The following COL25A1 variants were observed in gnomAD, a reference collection of about 807,000 sequenced individuals.
COL25A1 encodes collagen alpha-1(XXV) chain.
In COL25A1, 103 loss-of-function variants were observed where a neutral mutation model predicts 128.4. That is an observed-to-expected ratio of 0.80 (90% CI 0.68 to 0.94). The LOEUF (loss-of-function observed/expected upper bound fraction) is 0.94, where lower values mean the gene tolerates loss of function less well. COL25A1 is among the 40% of genes least tolerant of loss of function. The pLI is 0.00. For synonymous variants in COL25A1, 279 were observed against 277.2 expected (o/e 1.01, Z -0.06); for missense variants, 745 against 840.0 (o/e 0.89, Z 1.40).
intron 5 of COL25A1, among the ~76,000 whole-genome samples, chr4:109,035,506 C>T (rs1759249243): frequency 6.6e-6 from 1 of 152,006 alleles, no homozygotes; most frequent in Non-Finnish European, 1.5e-5. Context: ...GAACAGAAAC[C>T]TAGAAATGAC....
chr4:108,941,255 C>A, intron 9 of COL25A1, 111 bp downstream of exon 9: 1 of 685,632 alleles, frequency 1.5e-6, no homozygotes, highest in Non-Finnish European at 2.4e-6. Flanking sequence ...CAAATAAATG[C>A]CCACATACCA....
intron 3 of COL25A1, among the ~76,000 whole-genome samples, chr4:109,075,669 A>T (rs899694180): frequency 6.6e-6 from 1 of 152,162 alleles, no homozygotes; most frequent in Non-Finnish European, 1.5e-5. Flanking sequence ...AAGTTAACAC[A>T]ATATGTAATA....
intron 3 of COL25A1, among the ~76,000 whole-genome samples, chr4:109,241,337 C>G (rs1446354377): frequency 6.6e-6 from 1 of 151,912 alleles, no homozygotes; most frequent in African/African-American, 2.4e-5. Flanking sequence ...CCTTAAATGC[C>G]CTCTTTCTTT....
At chr4:109,032,875 T>C (rs775594701) in intron 5 of COL25A1, among the ~76,000 whole-genome samples, 3 of 152,122 alleles carry the variant, frequency 2.0e-5, no homozygotes, top group Non-Finnish European at 4.4e-5. Flanking sequence ...GGGGAGAGAA[T>C]AAAGCACTTG....
chr4:109,084,294 A>G (rs1764164056), intron 3 of COL25A1, among the ~76,000 whole-genome samples: 1 of 152,242 alleles, frequency 6.6e-6, no homozygotes, highest in Non-Finnish European at 1.5e-5. Flanking sequence ...TAACGTGTTG[A>G]AAGACAAAAA....
At chr4:108,960,394 T>C (rs1304542789) in intron 8 of COL25A1, among the ~76,000 whole-genome samples, 4 of 152,154 alleles carry the variant, frequency 2.6e-5, no homozygotes, top group Non-Finnish European at 5.9e-5. Context: ...TACCATATCA[T>C]GCCTATAAGC....
rs994768676 is a variant in COL25A1, at chr4:108,809,783, C to T, written c.*4144G>A. On this transcript the variant is annotated 3_prime_UTR_variant, in exon 38 of 38. Coordinates refer to ENST00000399132, the MANE Select transcript of COL25A1 (RefSeq NM_198721.4). Reference sequence around the variant, plus strand: ...GGAAGAAGTAGGGACTGACAGTCCTCCTAGCCTAAAACAATTTAGCATAAT... The same window carrying T: ...GGAAGAAGTAGGGACTGACAGTCCTTCTAGCCTAAAACAATTTAGCATAAT... 3.3e-5 allele frequency: 5 copies of T among 151,892 alleles called. No individual in the cohort carries two copies. Among genetic ancestry groups the T allele is most frequent in the African/African-American group, 1.2e-4 (5 of 41,404 alleles). The allele number at this position is 151,892 out of a possible 1,614,324, so 9.4% of individuals were successfully genotyped here.
At chr4:109,149,202 A>G (rs1771233782) in intron 3 of COL25A1, among the ~76,000 whole-genome samples, 1 of 152,236 alleles carries the variant, frequency 6.6e-6, no homozygotes, top group South Asian at 2.1e-4. Context: ...GAGTCAAATC[A>G]CTTTGCAATG....
At chr4:108,899,224 A>T (rs762208086) in intron 14 of COL25A1, 44 bp from the exon 15 acceptor site, 2 of 1,542,578 alleles carry the variant, frequency 1.3e-6, no homozygotes, top group Non-Finnish European at 1.8e-6. Flanking sequence ...ATCATAAAAC[A>T]CCTAATTTTA....
chr4:108,860,605 G>T (rs1208022070), intron 23 of COL25A1, among the ~76,000 whole-genome samples: 1 of 151,822 alleles, frequency 6.6e-6, no homozygotes, highest in Non-Finnish European at 1.5e-5. Flanking sequence ...TGAACATATG[G>T]GTTATTGCTT....
At chr4:108,884,513 A>G (rs953934871) in intron 18 of COL25A1, among the ~76,000 whole-genome samples, 7 of 152,142 alleles carry the variant, frequency 4.6e-5, no homozygotes, top group Non-Finnish European at 1.0e-4. Context: ...AAACTCCCAT[A>G]TTTCATTATT....
In COL25A1 at chr4:109,301,928, A is replaced by T; in HGVS notation, c.92T>A (p.Met31Lys). 6.2e-7 allele frequency: 1 copy of T among 1,614,008 alleles called. No homozygotes were observed. The highest frequency in any genetic ancestry group is 8.5e-7 in the Non-Finnish European group (1 of 1,180,036). Residue 31 changes from methionine (M) to lysine (K), a missense_variant, in exon 2 of 38, where the codon ATG becomes AAG. This residue lies in a region of COL25A1 where 319 missense variants were observed against 324.9 expected (regional missense o/e 0.98). Transcript: ENST00000399132. ...TPAEQHCARTMPPCAVLAALL... is the reference protein window; with the variant it reads ...TPAEQHCARTKPPCAVLAALL... ...GGCCGCCAGGACGGCACACGGGGGC[A>T]TGGTCCGGGCACAATGCTGTTCGGC... is the stretch of plus-strand genomic sequence containing the variant.
chr4:109,150,930 C>A (rs982632307), intron 3 of COL25A1, among the ~76,000 whole-genome samples: 5 of 152,072 alleles, frequency 3.3e-5, no homozygotes, highest in African/African-American at 1.2e-4. Flanking sequence ...TCTGCAAATG[C>A]AGGAGTAAAT....
chr4:109,139,289 CTGA>C (rs1770146267), intron 3 of COL25A1, among the ~76,000 whole-genome samples: 1 of 152,166 alleles, frequency 6.6e-6, no homozygotes, highest in Non-Finnish European at 1.5e-5. Context: ...CCTGTTCACT[CTGA>C]TGATAGCTTC....
At chr4:109,230,401 T>G (rs1405046633) in intron 3 of COL25A1, among the ~76,000 whole-genome samples, 1 of 152,238 alleles carries the variant, frequency 6.6e-6, no homozygotes, top group Non-Finnish European at 1.5e-5. Context: ...AATATATTAT[T>G]GTACCATAAA....
At chr4:108,923,519 A>G (rs1745705587) in intron 11 of COL25A1, among the ~76,000 whole-genome samples, 2 of 151,788 alleles carry the variant, frequency 1.3e-5, no homozygotes, top group Admixed American at 6.6e-5. Context: ...CTAAGTTTTT[A>G]ATGTTTTGTA....
chr4:109,000,233 A>G lies in COL25A1; in HGVS notation c.438+10125T>C, dbSNP rs1755213480. Reference sequence around the variant, plus strand: ...AATTAATATTCACTGAGTGATTGCTATGGACTAGGCACCACATTAGACATC... The same window carrying G: ...AATTAATATTCACTGAGTGATTGCTGTGGACTAGGCACCACATTAGACATC... On this transcript the variant is annotated intron_variant, in intron 6 of 37. Transcript: ENST00000399132. 3.9e-5 allele frequency among the ~76,000 whole-genome samples: 6 copies of G among 152,174 alleles called. No individual in the cohort carries two copies. In the South Asian group the frequency reaches 1.2e-3, roughly 31 times the overall value.
intron 11 of COL25A1, among the ~76,000 whole-genome samples, chr4:108,933,590 A>T (rs1035635425): frequency 6.6e-6 from 1 of 152,130 alleles, no homozygotes; most frequent in Non-Finnish European, 1.5e-5. Context: ...TTCTTAGAGC[A>T]GCCTTTCTGT....
At chr4:108,885,734 A>G (rs1248574740) in intron 18 of COL25A1, among the ~76,000 whole-genome samples, 3 of 152,194 alleles carry the variant, frequency 2.0e-5, no homozygotes, top group Non-Finnish European at 4.4e-5. Context: ...ATTGCAATAG[A>G]ATATACAATT....
Sources: gnomAD v4.1 joint callset for allele counts (sites outside exome capture counted in the v4.1 genomes callset) on GRCh38, gnomAD v4.1.1 for gene constraint, gnomAD v4.1.1 regional missense constraint, MANE v1.5 for transcripts, NCBI Gene and HGNC (gene_info 2026-07-23, HGNC 2026-07-21) for gene names.